Variants in TMTC1 observed in about 807,000 individuals in gnomAD.
TMTC1 encodes protein O-mannosyl-transferase TMTC1.
Under a neutral mutation model 104.8 loss-of-function variants are expected in TMTC1, and 73 were observed. The ratio of observed to expected loss-of-function variants is 0.70; its 90% CI spans 0.58 to 0.85. The LOEUF is 0.85. Among genes scored for constraint, TMTC1 ranks in the 40% least tolerant of loss-of-function variants. TMTC1 has a pLI of 0.00. For missense variants in TMTC1, 1,035 were observed against 1,096.1 expected (o/e 0.94, Z 0.79); for synonymous variants, 434 against 428.7 (o/e 1.01, Z -0.15).
At chr12:29,715,526 G>A (rs748054848) in intron 5 of TMTC1, among the ~76,000 whole-genome samples, 7 of 152,084 alleles carry the variant, frequency 4.6e-5, no homozygotes, top group Non-Finnish European at 1.0e-4. Context: ...TAAAAATAAA[G>A]CAAACAGTTA....
intron 5 of TMTC1, among the ~76,000 whole-genome samples, chr12:29,686,428 A>G (rs2350663): frequency 0.15 from 22,726 of 152,250 alleles, 1,926 homozygotes; most frequent in East Asian, 0.34. Flanking sequence ...GATAACATGA[A>G]GAGGGAGTGA....
chr12:29,607,354 T>C (rs1159998406), intron 6 of TMTC1, among the ~76,000 whole-genome samples: 13 of 152,104 alleles, frequency 8.5e-5, no homozygotes, highest in Admixed American at 8.5e-4. Flanking sequence ...AATAAATCAA[T>C]TAAGTGAATA....
chr12:29,780,440 G>A (rs968188718), intron 1 of TMTC1, among the ~76,000 whole-genome samples: 2 of 152,178 alleles, frequency 1.3e-5, no homozygotes, highest in Non-Finnish European at 2.9e-5. Flanking sequence ...GTATTAAAAT[G>A]GCAAAATGAT....
chr12:29,662,128 T>C (rs1940058200), intron 5 of TMTC1, among the ~76,000 whole-genome samples: 1 of 152,142 alleles, frequency 6.6e-6, no homozygotes, highest in Non-Finnish European at 1.5e-5. Context: ...TCAAATAGCA[T>C]AAACCGCAAG....
At chr12:29,646,684 T>A (rs1939282132) in intron 5 of TMTC1, among the ~76,000 whole-genome samples, 1 of 152,154 alleles carries the variant, frequency 6.6e-6, no homozygotes, top group South Asian at 2.1e-4. Flanking sequence ...CTACGCTCAT[T>A]GACCTTGATA....
At chr12:29,678,035 C>A (rs1940791571) in intron 5 of TMTC1, among the ~76,000 whole-genome samples, 1 of 152,040 alleles carries the variant, frequency 6.6e-6, no homozygotes, top group African/African-American at 2.4e-5. Context: ...GATACGTATC[C>A]CCCACAGATA....
intron 7 of TMTC1, 48 bp downstream of exon 7, chr12:29,604,129 TG>T (rs1946634660): frequency 6.2e-7 from 1 of 1,608,390 alleles, no homozygotes; most frequent in African/African-American, 1.3e-5. Context: ...CTATCAATGT[TG>T]GTGACAGAGG....
chr12:29,528,832 A>G (rs143226668), intron 11 of TMTC1, among the ~76,000 whole-genome samples: 3 of 152,102 alleles, frequency 2.0e-5, no homozygotes, highest in Non-Finnish European at 4.4e-5. Flanking sequence ...AAGCTGAGAA[A>G]CTTTAAAAAT....
intron 2 of TMTC1, among the ~76,000 whole-genome samples, chr12:29,760,178 C>A (rs1943311605): frequency 6.6e-6 from 1 of 152,170 alleles, no homozygotes; most frequent in South Asian, 2.1e-4. Flanking sequence ...AATCACCTAA[C>A]CACTCATTCT....
At chr12:29,700,415 C>T (rs553531881) in intron 5 of TMTC1, among the ~76,000 whole-genome samples, 10 of 151,778 alleles carry the variant, frequency 6.6e-5, no homozygotes, top group African/African-American at 1.2e-4. Flanking sequence ...GTTGTCCAGG[C>T]GGGTCTCAAA....
At chr12:29,555,376 C>T (rs936737427) in intron 10 of TMTC1, among the ~76,000 whole-genome samples, 1 of 151,144 alleles carries the variant, frequency 6.6e-6, no homozygotes, top group Non-Finnish European at 1.5e-5. Context: ...GCAGAACATG[C>T]AGGTTTGTTA....
chr12:29,648,695 A>G (rs1939382738), intron 5 of TMTC1, among the ~76,000 whole-genome samples: 2 of 152,160 alleles, frequency 1.3e-5, no homozygotes, highest in Admixed American at 1.3e-4. Context: ...ATAGAAAGAG[A>G]ATGAAAGCAT....
At chr12:29,614,154 T>C (rs1385004308) in intron 6 of TMTC1, among the ~76,000 whole-genome samples, 1 of 152,086 alleles carries the variant, frequency 6.6e-6, no homozygotes, top group Non-Finnish European at 1.5e-5. Flanking sequence ...ACAAGAAGTG[T>C]AGTAACTCTT....
At chr12:29,572,321 G>A (rs530206394) in intron 8 of TMTC1, 103 bp from the exon 9 acceptor site, 165 of 971,618 alleles carry the variant, frequency 1.7e-4, no homozygotes, top group African/African-American at 8.2e-4. Flanking sequence ...TGAAATGTCC[G>A]TTGTATTCTA....
At chr12:29,707,266 C>T (rs1408855508) in intron 5 of TMTC1, among the ~76,000 whole-genome samples, 1 of 152,132 alleles carries the variant, frequency 6.6e-6, no homozygotes, top group Non-Finnish European at 1.5e-5. Context: ...CATGAAGTCC[C>T]TAAGTCATAA....
intron 3 of TMTC1, among the ~76,000 whole-genome samples, chr12:29,758,230 T>C (rs901090308): frequency 6.6e-6 from 1 of 152,146 alleles, no homozygotes; most frequent in African/African-American, 2.4e-5. Context: ...TATATGTAAA[T>C]TGGAAAACCA....
intron 5 of TMTC1, among the ~76,000 whole-genome samples, chr12:29,662,456 C>T (rs985973299): frequency 1.3e-5 from 2 of 152,012 alleles, no homozygotes; most frequent in African/African-American, 4.8e-5. Flanking sequence ...TCGAGACCAG[C>T]CTGGTCAATA....
rs542560594 is a variant in TMTC1 at position 29,750,965 on chromosome 12, G to A, written c.938+701C>T. Among the ~76,000 whole-genome samples the A allele has an allele frequency of 3.9e-5, 6 of 152,342 alleles. No individual in the cohort carries two copies. The East Asian group carries it at 1.2e-3, about 29-fold the overall frequency. On this transcript the variant is annotated intron_variant, in intron 5 of 17. Coordinates refer to ENST00000539277, the MANE Select transcript of TMTC1 (RefSeq NM_001193451.2). Reference sequence around the variant, plus strand: ...TTCCCCACACCCTGTCCCAGCAGGGGAGCCCCAAAGCACTGGCAGTCTGGA... The same window carrying A: ...TTCCCCACACCCTGTCCCAGCAGGGAAGCCCCAAAGCACTGGCAGTCTGGA...
intron 2 of TMTC1, 81 bp downstream of exon 2, chr12:29,767,817 T>C: frequency 3.2e-6 from 4 of 1,261,510 alleles, no homozygotes; most frequent in Non-Finnish European, 4.5e-6. Flanking sequence ...TACATGTATA[T>C]ATATGTGTGT....
Sources: allele counts gnomAD v4.1 joint callset (sites outside exome capture counted in the v4.1 genomes callset), GRCh38; gene constraint gnomAD v4.1.1; transcripts MANE v1.5; gene names NCBI Gene and HGNC (gene_info 2026-07-23, HGNC 2026-07-21).